ZNF385D: variants seen among roughly 807,000 people sequenced by gnomAD.
The protein encoded by ZNF385D is zinc finger protein 659.
In ZNF385D, 15 loss-of-function variants were observed where a neutral mutation model predicts 35.8. That is an observed-to-expected ratio of 0.42 (90% CI 0.28 to 0.64). ZNF385D has a LOEUF of 0.64. Among genes scored for constraint, ZNF385D ranks in the 30% least tolerant of loss-of-function variants. The pLI, the probability that ZNF385D is intolerant of heterozygous loss-of-function variation, is 0.23. For synonymous variants in ZNF385D, 212 were observed against 186.8 expected, an observed-to-expected ratio of 1.13 and a Z score of -1.10; for missense variants, 474 against 494.6, an observed-to-expected ratio of 0.96 and a Z score of 0.39.
intron 3 of ZNF385D, among the ~76,000 whole-genome samples, chr3:22,120,719 C>T (rs1027365464): frequency 1.3e-5 from 2 of 152,156 alleles, no homozygotes; most frequent in African/African-American, 2.4e-5. Flanking sequence ...AGTGCTATCA[C>T]TTATTTCAAT....
intron 2 of ZNF385D, among the ~76,000 whole-genome samples, chr3:21,589,385 C>T (rs1242149640): frequency 6.7e-6 from 1 of 149,490 alleles, no homozygotes. Context: ...TGTTTGTTTA[C>T]TCTTAAAAAT....
At chr3:21,609,551 G>A (rs1311919385) in intron 2 of ZNF385D, among the ~76,000 whole-genome samples, 1 of 152,128 alleles carries the variant, frequency 6.6e-6, no homozygotes, top group African/African-American at 2.4e-5. Flanking sequence ...TAACAAACAT[G>A]TCTTCCCATC....
chr3:22,056,955 G>A (rs1699433381), intron 3 of ZNF385D, among the ~76,000 whole-genome samples: 1 of 152,218 alleles, frequency 6.6e-6, no homozygotes, highest in African/African-American at 2.4e-5. Flanking sequence ...AATTGCATTG[G>A]CCACAGCCAG....
chr3:21,814,092 C>A (rs1033880614), intron 3 of ZNF385D, among the ~76,000 whole-genome samples: 5 of 152,088 alleles, frequency 3.3e-5, no homozygotes, highest in Admixed American at 1.3e-4. Context: ...TCATATCCAG[C>A]CAAACTAAGC....
rs145584384 is a variant in ZNF385D, at chr3:22,233,947, A to AC, written c.107-64913dup. ...CCTTTGTGATAAGATCAAACTCTCC[A>AC]CTCTTCTATCTCCTAATCTGCAACC... On this transcript the variant is annotated intron_variant, in intron 2 of 5. Coordinates refer to the ZNF385D transcript ENST00000494108. Among the ~76,000 whole-genome samples the AC allele has an allele frequency of 4.3e-3, 653 of 152,032 alleles. 1 individual carries two copies. The highest frequency in any genetic ancestry group is 8.3e-3 in the Admixed American group (126 of 15,264).
chr3:22,280,797 T>G (rs1701698793), intron 2 of ZNF385D, among the ~76,000 whole-genome samples: 2 of 152,098 alleles, frequency 1.3e-5, no homozygotes, highest in Non-Finnish European at 2.9e-5. Context: ...TCTAGTTCTT[T>G]GAGGAATGAT....
chr3:22,345,694 C>G (rs1282124179), intron 2 of ZNF385D, among the ~76,000 whole-genome samples: 1 of 152,182 alleles, frequency 6.6e-6, no homozygotes, highest in African/African-American at 2.4e-5. Flanking sequence ...CAGATGCCCC[C>G]CTTCAGAACT....
chr3:22,087,464 C>G (rs1442475004), intron 3 of ZNF385D, among the ~76,000 whole-genome samples: 1 of 152,120 alleles, frequency 6.6e-6, no homozygotes, highest in African/African-American at 2.4e-5. Context: ...AGAAGTGTCA[C>G]TTAATGAAAG....
intron 3 of ZNF385D, among the ~76,000 whole-genome samples, chr3:21,906,209 G>A (rs1699676833): frequency 6.6e-6 from 1 of 152,080 alleles, no homozygotes; most frequent in Non-Finnish European, 1.5e-5. Flanking sequence ...ATTTTGTACT[G>A]TAATTAATCT....
intron 3 of ZNF385D, among the ~76,000 whole-genome samples, chr3:21,773,176 G>A (rs1379311933): frequency 3.3e-5 from 5 of 151,918 alleles, no homozygotes; most frequent in Admixed American, 6.6e-5. Context: ...CCATTGAACT[G>A]TACAGTGAAA....
intron 3 of ZNF385D, among the ~76,000 whole-genome samples, chr3:21,908,978 A>G (rs1699829880): frequency 6.6e-6 from 1 of 152,110 alleles, no homozygotes; most frequent in Admixed American, 6.6e-5. Flanking sequence ...TTAAAAAGTT[A>G]CAAGAAACCT....
intron 5 of ZNF385D, among the ~76,000 whole-genome samples, chr3:21,427,223 A>C (rs1353054234): frequency 1.3e-5 from 2 of 152,224 alleles, no homozygotes; most frequent in African/African-American, 4.8e-5. Flanking sequence ...GGGAGCAAGA[A>C]ACAAAATATG....
chr3:21,727,358 A>G (rs2068810454), intron 1 of ZNF385D, among the ~76,000 whole-genome samples: 1 of 152,232 alleles, frequency 6.6e-6, no homozygotes, highest in Admixed American at 6.5e-5. Flanking sequence ...CTGCACAGCA[A>G]AAGAAACTAT....
intron 3 of ZNF385D, among the ~76,000 whole-genome samples, chr3:21,937,286 G>A (rs759161018): frequency 1.2e-4 from 18 of 152,048 alleles, no homozygotes; most frequent in Non-Finnish European, 1.6e-4. Context: ...TTCAATCACA[G>A]CCTCTTATTC....
At chr3:21,439,510 T>C (rs569737128) in intron 4 of ZNF385D, among the ~76,000 whole-genome samples, 115 of 152,150 alleles carry the variant, frequency 7.6e-4, no homozygotes, top group African/African-American at 2.1e-3. Context: ...ATTTACTTCA[T>C]TGAAATCTAC....
At chr3:21,697,461 G>C (rs1001672006) in intron 1 of ZNF385D, among the ~76,000 whole-genome samples, 1 of 152,168 alleles carries the variant, frequency 6.6e-6, no homozygotes, top group African/African-American at 2.4e-5. Flanking sequence ...ACGAATAAAA[G>C]TGATGTGGAG....
At chr3:21,735,910 A>G (rs1178339349) in intron 1 of ZNF385D, among the ~76,000 whole-genome samples, 1 of 152,222 alleles carries the variant, frequency 6.6e-6, no homozygotes, top group African/African-American at 2.4e-5. Flanking sequence ...GGCTGGGAAA[A>G]TGAGCACCTC....
At chr3:22,150,424 G>C (rs1422844845) in intron 3 of ZNF385D, among the ~76,000 whole-genome samples, 1 of 151,826 alleles carries the variant, frequency 6.6e-6, no homozygotes, top group East Asian at 1.9e-4. Context: ...AGTGTTAGAT[G>C]CTTGGGTTAA....
chr3:22,347,031 TACAA>T (rs1251214780), intron 2 of ZNF385D, among the ~76,000 whole-genome samples: 2 of 152,084 alleles, frequency 1.3e-5, no homozygotes, highest in African/African-American at 2.4e-5. Context: ...CCACATAATG[TACAA>T]ACAAAGAGTA....
Sources: gnomAD v4.1 joint callset for allele counts (sites outside exome capture counted in the v4.1 genomes callset) on GRCh38, gnomAD v4.1.1 for gene constraint, MANE v1.5 for transcripts, NCBI Gene and HGNC (gene_info 2026-07-23, HGNC 2026-07-21) for gene names.